Variants in TASP1 observed in about 807,000 individuals in gnomAD.
The protein encoded by TASP1 is taspase 1, also known as threonine aspartase 1.
Under a neutral mutation model 56.6 loss-of-function variants are expected in TASP1, and 16 were observed. The observed-to-expected ratio is 0.28, with a 90% confidence interval of 0.19 to 0.43. The LOEUF (loss-of-function observed/expected upper bound fraction) is 0.43, where lower values mean the gene tolerates loss of function less well. Ranked by LOEUF, TASP1 falls within the 20% of genes least tolerant of loss-of-function variation. The pLI is 1.00. For missense variants in TASP1, 393 were observed against 511.6 expected (o/e 0.77, Z 2.24); for synonymous variants, 179 against 184.2 (o/e 0.97, Z 0.23).
the TASP1 span, among the ~76,000 whole-genome samples, chr20:13,264,514 T>G: frequency 6.6e-6 from 1 of 152,226 alleles, no homozygotes; most frequent in Non-Finnish European, 1.5e-5. Context: ...GTGCTCATCC[T>G]AATTTGCCCT....
chr20:13,354,750 C>T, the TASP1 span, among the ~76,000 whole-genome samples: 4 of 151,874 alleles, frequency 2.6e-5, no homozygotes, highest in Admixed American at 6.6e-5. Flanking sequence ...GCACAGCAGC[C>T]CTAAAGACCG....
the TASP1 span, chr20:13,160,210 G>T: frequency 6.8e-7 from 1 of 1,471,126 alleles, no homozygotes; most frequent in South Asian, 1.5e-5. Context: ...GAGACAGCTT[G>T]GGGTTCTCTG....
At chr20:13,583,394 C>T (rs919106341) in intron 5 of TASP1, among the ~76,000 whole-genome samples, 11 of 152,204 alleles carry the variant, frequency 7.2e-5, no homozygotes, top group Non-Finnish European at 2.9e-5. Context: ...GACGTCTAAA[C>T]GTACTTCCAA....
chr20:13,394,396 G>A (rs1267283461), intron 13 of TASP1, among the ~76,000 whole-genome samples: 2 of 151,398 alleles, frequency 1.3e-5, no homozygotes, highest in African/African-American at 2.4e-5. Context: ...GGATCACGAG[G>A]TCAGGAGTTT....
At chr20:13,393,643 A>G (rs1600662270) in intron 13 of TASP1, 10 of 1,292,506 alleles carry the variant, frequency 7.7e-6, no homozygotes, top group East Asian at 2.3e-5. Flanking sequence ...ATGGTGGTGG[A>G]CCTCATGGCC....
intron 6 of TASP1, among the ~76,000 whole-genome samples, chr20:13,579,263 G>A (rs957482586): frequency 1.1e-4 from 17 of 152,142 alleles, no homozygotes; most frequent in East Asian, 3.8e-4. Flanking sequence ...GAAGGACTCC[G>A]CATGCACCTA....
At chr20:13,438,287 G>T (rs1018509971) in intron 11 of TASP1, among the ~76,000 whole-genome samples, 7 of 152,286 alleles carry the variant, frequency 4.6e-5, no homozygotes, top group African/African-American at 1.7e-4. Context: ...AAACAGCATG[G>T]TACTGGTACC....
At chr20:13,206,405 C>T in the TASP1 span, among the ~76,000 whole-genome samples, 8 of 152,130 alleles carry the variant, frequency 5.3e-5, no homozygotes, top group Admixed American at 2.6e-4. Context: ...TTAAGGATTA[C>T]GCTTTTTATT....
intron 11 of TASP1, among the ~76,000 whole-genome samples, chr20:13,453,000 A>T (rs904795068): frequency 1.3e-5 from 2 of 152,112 alleles, no homozygotes; most frequent in Admixed American, 1.3e-4. Context: ...AGTGCTGGGA[A>T]AAGAGCCAAC....
intron 10 of TASP1, among the ~76,000 whole-genome samples, chr20:13,489,666 G>A (rs1301274100): frequency 6.6e-6 from 1 of 152,086 alleles, no homozygotes; most frequent in Non-Finnish European, 1.5e-5. Context: ...TGTTACACGA[G>A]GTTTTCTAAT....
At chr20:13,375,768 T>C in the TASP1 span, among the ~76,000 whole-genome samples, 3 of 152,236 alleles carry the variant, frequency 2.0e-5, no homozygotes, top group South Asian at 2.1e-4. Flanking sequence ...TTCTTAATGA[T>C]TGCCATTCTA....
At chr20:13,118,054 T>TAAACCATCTA in the TASP1 span, among the ~76,000 whole-genome samples, 1 of 152,280 alleles carries the variant, frequency 6.6e-6, no homozygotes, top group African/African-American at 2.4e-5. Flanking sequence ...AATATCCATC[T>TAAACCATCTA]GGTAGACAAA....
Position 13,499,627 on chromosome 20 carries a change from T to G in TASP1, c.875-16290A>C, listed in dbSNP as rs146405443. ...CAAGCCTGAGTACCAAAGTCAAGAGTTGAGGATGGTGGAGCAGAAAGACGG... is the reference window on the plus strand; with the variant it reads ...CAAGCCTGAGTACCAAAGTCAAGAGGTGAGGATGGTGGAGCAGAAAGACGG... On this transcript the variant is annotated intron_variant, in intron 10 of 13. Transcript: ENST00000337743. Among the ~76,000 whole-genome samples, 276 of 151,860 alleles carry G rather than the reference T, an allele frequency of 1.8e-3. 1 individual carries two copies. The highest frequency in any genetic ancestry group is 6.3e-3 in the African/African-American group (260 of 41,428).
At chr20:13,598,454 T>C (rs1479507467) in intron 4 of TASP1, among the ~76,000 whole-genome samples, 2 of 152,182 alleles carry the variant, frequency 1.3e-5, no homozygotes, top group Non-Finnish European at 2.9e-5. Flanking sequence ...ATTTAATAAA[T>C]GGTGCTGGGA....
chr20:13,439,829 G>A (rs2043153727), intron 11 of TASP1, among the ~76,000 whole-genome samples: 1 of 151,906 alleles, frequency 6.6e-6, no homozygotes, highest in Non-Finnish European at 1.5e-5. Context: ...TGAATAACAG[G>A]AGTTTTAGAA....
chr20:13,166,102 A>T, the TASP1 span: 1 of 152,668 alleles, frequency 6.6e-6, no homozygotes, highest in Non-Finnish European at 1.5e-5. Flanking sequence ...CCAGATTTGG[A>T]AATTCTAGAG....
At chr20:13,491,544 T>C (rs959851705) in intron 10 of TASP1, among the ~76,000 whole-genome samples, 3 of 152,176 alleles carry the variant, frequency 2.0e-5, no homozygotes, top group African/African-American at 7.2e-5. Context: ...CACACATTTA[T>C]AATTGTTTTT....
rs575656738 is a variant in TASP1 at position 13,531,342 on chromosome 20, C to T, written c.795+2680G>A. ...TCCACACTTAACCAGTAAACTCAAC[C>T]GCCTATTTGTGTGGGGGTGGGGTGA... On this transcript the variant is annotated intron_variant, in intron 9 of 13. Transcript: ENST00000337743. Among the ~76,000 whole-genome samples, 5 of 151,708 alleles carry T rather than the reference C, an allele frequency of 3.3e-5. No individual in the cohort carries two copies. In the East Asian group the frequency reaches 5.8e-4, roughly 18 times the overall value.
At chr20:13,608,298 A>T (rs2048230798) in intron 4 of TASP1, among the ~76,000 whole-genome samples, 1 of 151,796 alleles carries the variant, frequency 6.6e-6, no homozygotes, top group African/African-American at 2.4e-5. Context: ...CATTTGGGGA[A>T]TTTTTTTTTG....
Sources: allele counts gnomAD v4.1 joint callset (sites outside exome capture counted in the v4.1 genomes callset), GRCh38; gene constraint gnomAD v4.1.1; transcripts MANE v1.5; gene names NCBI Gene and HGNC (gene_info 2026-07-23, HGNC 2026-07-21).